The following AGBL1 variants were observed in gnomAD, a reference collection of about 807,000 sequenced individuals.
AGBL1 encodes AGBL carboxypeptidase 1.
In AGBL1, 130 loss-of-function variants were observed where a neutral mutation model predicts 118.9. The ratio of observed to expected loss-of-function variants is 1.09; its 90% CI spans 0.95 to 1.26. The LOEUF is 1.26. Ranked by LOEUF, AGBL1 falls within the 50% of genes most tolerant of loss-of-function variation. AGBL1 has a pLI of 0.00. For synonymous variants in AGBL1, 555 were observed against 478.9 expected (o/e 1.16, Z -2.08); for missense variants, 1,584 against 1,298.1 (o/e 1.22, Z -3.38).
intron 23 of AGBL1, among the ~76,000 whole-genome samples, chr15:86,964,487 G>A (rs28429657): frequency 0.055 from 8,384 of 151,886 alleles, 782 homozygotes; most frequent in African/African-American, 0.19. Flanking sequence ...GGAAGCTACT[G>A]ATCTATTAAT....
rs1301895213 is a variant in AGBL1, at chr15:86,535,057, A to G, written c.2686-10945A>G. Among the ~76,000 whole-genome samples, 7 of 152,334 alleles carry G rather than the reference A, an allele frequency of 4.6e-5. No homozygotes were observed. In the East Asian group the frequency reaches 9.7e-4, roughly 21 times the overall value. On this transcript the variant is annotated intron_variant, in intron 19 of 22. Transcript: ENST00000614907. ...ATGCAGAAAATTAAAATTAAAGCAA[A>G]GTCACAGAGATTTAAAATGCAATGA...
At chr15:86,886,465 A>G (rs1204685044) in intron 22 of AGBL1, among the ~76,000 whole-genome samples, 3 of 152,204 alleles carry the variant, frequency 2.0e-5, no homozygotes, top group South Asian at 2.1e-4. Context: ...AGTGGAGTGT[A>G]TATTTCTCAA....
intron 18 of AGBL1, among the ~76,000 whole-genome samples, chr15:86,481,832 G>A (rs536923855): frequency 4.6e-5 from 7 of 152,226 alleles, no homozygotes; most frequent in Non-Finnish European, 8.8e-5. Flanking sequence ...TCCCAATATA[G>A]CATCTCTGAT....
chr15:86,238,663 G>C (rs1338781947), intron 6 of AGBL1, among the ~76,000 whole-genome samples: 5 of 152,166 alleles, frequency 3.3e-5, no homozygotes, highest in African/African-American at 1.2e-4. Context: ...TTGGTAAGAA[G>C]CACCTTAATT....
At chr15:86,479,716 C>T (rs956001548) in intron 18 of AGBL1, among the ~76,000 whole-genome samples, 4 of 152,132 alleles carry the variant, frequency 2.6e-5, no homozygotes, top group African/African-American at 9.7e-5. Flanking sequence ...ACCATTTGAC[C>T]CAGCCATCCC....
At chr15:86,574,036 TAAAC>T (rs973711942) in intron 21 of AGBL1, among the ~76,000 whole-genome samples, 3 of 150,654 alleles carry the variant, frequency 2.0e-5, no homozygotes, top group South Asian at 2.1e-4. Context: ...ACCAAACAAA[TAAAC>T]AAACAAACAA....
intron 18 of AGBL1, among the ~76,000 whole-genome samples, chr15:86,498,866 G>A (rs887088148): frequency 6.6e-6 from 1 of 151,906 alleles, no homozygotes; most frequent in Non-Finnish European, 1.5e-5. Context: ...AATTGCCAAA[G>A]TACAGGCCTG....
chr15:86,536,343 G>A (rs1271564692), intron 19 of AGBL1, among the ~76,000 whole-genome samples: 1 of 152,034 alleles, frequency 6.6e-6, no homozygotes, highest in Non-Finnish European at 1.5e-5. Context: ...ATGGGGTCTC[G>A]ATCTGTCACC....
intron 22 of AGBL1, among the ~76,000 whole-genome samples, chr15:86,704,414 C>A (rs1157286569): frequency 3.3e-5 from 5 of 152,140 alleles, no homozygotes; most frequent in Non-Finnish European, 7.4e-5. Flanking sequence ...TATCCAGAAT[C>A]TACAAGGAAC....
intron 19 of AGBL1, among the ~76,000 whole-genome samples, chr15:86,526,602 GTA>G (rs1380038428): frequency 2.8e-5 from 4 of 140,436 alleles, no homozygotes; most frequent in South Asian, 2.2e-4. Flanking sequence ...TGTATATAGT[GTA>G]TATATATATA....
chr15:86,822,223 C>T (rs983688087), intron 22 of AGBL1, among the ~76,000 whole-genome samples: 1 of 152,140 alleles, frequency 6.6e-6, no homozygotes, highest in African/African-American at 2.4e-5. Flanking sequence ...TGGAGAATCT[C>T]CTAAGTTAGA....
At chr15:86,271,736 C>G in intron 15 of AGBL1, 30 bp downstream of exon 15, 1 of 1,558,662 alleles carries the variant, frequency 6.4e-7, no homozygotes, top group East Asian at 2.2e-5. Context: ...GCTTCCTTTT[C>G]TCTGTCCTGT....
chr15:86,284,554 T>TAAG (rs1025363051), intron 16 of AGBL1, among the ~76,000 whole-genome samples: 4 of 152,202 alleles, frequency 2.6e-5, no homozygotes, highest in African/African-American at 9.6e-5. Flanking sequence ...TCTCTTGTGA[T>TAAG]AAGAAGTCTT....
chr15:86,450,565 C>T lies in AGBL1; in HGVS notation c.2555+53019C>T, dbSNP rs569423640. ...CAGTATTCATTCTGTTTATTCAGGC[C>T]GGAGAATGACTACTTACTTACCCAA... On this transcript the variant is annotated intron_variant, in intron 18 of 22. Coordinates refer to ENST00000614907, the MANE Select transcript of AGBL1 (RefSeq NM_001386094.1). 2.0e-4 allele frequency among the ~76,000 whole-genome samples: 30 copies of T among 152,230 alleles called. No homozygotes were observed. In the South Asian group the frequency reaches 3.7e-3, roughly 19 times the overall value.
chr15:86,725,831 C>T (rs1253229980), intron 22 of AGBL1, among the ~76,000 whole-genome samples: 1 of 152,196 alleles, frequency 6.6e-6, no homozygotes, highest in Non-Finnish European at 1.5e-5. Context: ...TGCACACACA[C>T]ATACCAGTGA....
At chr15:86,787,913 A>C (rs908061668) in intron 22 of AGBL1, among the ~76,000 whole-genome samples, 1 of 152,078 alleles carries the variant, frequency 6.6e-6, no homozygotes, top group East Asian at 1.9e-4. Flanking sequence ...CAAAGAGTCT[A>C]TATATTTTGA....
At position 86,937,451 on chromosome 15, in the gene AGBL1, G is replaced by A. The variant is rs140984156; in HGVS notation, c.3222-50536G>A. Reference sequence around the variant, plus strand: ...GATAAGTGTAATACATATACTCCATGGAATACTATGCAGCCATGAAAAGGA... The same window carrying A: ...GATAAGTGTAATACATATACTCCATAGAATACTATGCAGCCATGAAAAGGA... On this transcript the variant is annotated intron_variant, in intron 23 of 24. Coordinates refer to the AGBL1 transcript ENST00000441037. Among the ~76,000 whole-genome samples the A allele has an allele frequency of 4.8e-3, 729 of 152,280 alleles. 4 individuals carry two copies. Among genetic ancestry groups the A allele is most frequent in the Middle Eastern group, 0.024 (7 of 294 alleles).
intron 21 of AGBL1, among the ~76,000 whole-genome samples, chr15:86,663,798 C>A (rs188965929): frequency 6.6e-6 from 1 of 152,298 alleles, no homozygotes; most frequent in Non-Finnish European, 1.5e-5. Flanking sequence ...ATTTCTGTCA[C>A]TCTGGCTCTA....
At chr15:86,935,819 G>A (rs544464711) in intron 23 of AGBL1, among the ~76,000 whole-genome samples, 197 of 152,336 alleles carry the variant, frequency 1.3e-3, no homozygotes, top group African/African-American at 4.5e-3. Flanking sequence ...GGGTTTTAAA[G>A]GGCAGCTATG....
Sources: allele counts gnomAD v4.1 joint callset (sites outside exome capture counted in the v4.1 genomes callset), GRCh38; gene constraint gnomAD v4.1.1; transcripts MANE v1.5; gene names NCBI Gene and HGNC (gene_info 2026-07-23, HGNC 2026-07-21).